CTNND2: variants seen among roughly 807,000 people sequenced by gnomAD.
CTNND2 encodes the protein catenin delta 2, also known as catenin delta-2.
CTNND2 carries 22 observed loss-of-function variants against 144.4 expected under a neutral mutation model. That is an observed-to-expected ratio of 0.15 (90% CI 0.11 to 0.22). CTNND2 has a LOEUF of 0.22. Ranked by LOEUF, CTNND2 falls within the 10% of genes least tolerant of loss-of-function variation. The pLI, the probability that CTNND2 is intolerant of heterozygous loss-of-function variation, is 1.00. For missense variants in CTNND2, 1,353 were observed against 1,618.8 expected, an observed-to-expected ratio of 0.84 and a Z score of 2.82; for synonymous variants, 751 against 695.6, an observed-to-expected ratio of 1.08 and a Z score of -1.25.
At chr5:11,660,565 T>C (rs544516692) in intron 2 of CTNND2, among the ~76,000 whole-genome samples, 1 of 152,222 alleles carries the variant, frequency 6.6e-6, no homozygotes, top group East Asian at 1.9e-4. Context: ...GGATTTCATA[T>C]ACAGGTAGGC....
intron 11 of CTNND2, among the ~76,000 whole-genome samples, chr5:11,164,273 T>G (rs1476154968): frequency 2.6e-5 from 4 of 152,188 alleles, no homozygotes; most frequent in African/African-American, 9.6e-5. Flanking sequence ...AAAGTAACAT[T>G]TACAGGCTCT....
intron 10 of CTNND2, among the ~76,000 whole-genome samples, chr5:11,228,048 G>T (rs1156495925): frequency 6.6e-6 from 1 of 152,064 alleles, no homozygotes; most frequent in Non-Finnish European, 1.5e-5. Context: ...CATGGTATTA[G>T]AATGCCCTGT....
intron 17 of CTNND2, among the ~76,000 whole-genome samples, chr5:11,020,690 T>C (rs938860010): frequency 4.6e-5 from 7 of 152,130 alleles, no homozygotes; most frequent in Non-Finnish European, 1.0e-4. Context: ...CGAGGATAAA[T>C]GTAGTTATAA....
intron 1 of CTNND2, among the ~76,000 whole-genome samples, chr5:11,829,731 C>A (rs571307917): frequency 6.6e-6 from 1 of 152,218 alleles, no homozygotes; most frequent in East Asian, 1.9e-4. Context: ...AGGCCCCATA[C>A]AGAGTCCCTA....
At chr5:11,470,606 T>C (rs1452819996) in intron 3 of CTNND2, among the ~76,000 whole-genome samples, 2 of 152,126 alleles carry the variant, frequency 1.3e-5, no homozygotes, top group Non-Finnish European at 2.9e-5. Flanking sequence ...TCATTTGTAA[T>C]CTAATGTCCT....
chr5:11,740,047 A>G (rs1163495288), intron 1 of CTNND2, among the ~76,000 whole-genome samples: 1 of 152,228 alleles, frequency 6.6e-6, no homozygotes, highest in African/African-American at 2.4e-5. Context: ...AGAGGACACA[A>G]ACAAATGCAA....
chr5:11,101,659 T>C (rs750932670), intron 14 of CTNND2, among the ~76,000 whole-genome samples: 21 of 152,230 alleles, frequency 1.4e-4, no homozygotes, highest in African/African-American at 3.6e-4. Context: ...CTTACAAATC[T>C]TGTGCAAACT....
At chr5:11,495,018 C>A (rs1227249895) in intron 3 of CTNND2, among the ~76,000 whole-genome samples, 2 of 152,120 alleles carry the variant, frequency 1.3e-5, no homozygotes, top group Non-Finnish European at 1.5e-5. Flanking sequence ...CACTGCTTGA[C>A]TTACAAGTTC....
In CTNND2 at chr5:11,187,077, G is replaced by A. The variant is rs941431803; in HGVS notation, c.1975+12371C>T. Among the ~76,000 whole-genome samples the A allele has an allele frequency of 3.2e-4, 49 of 152,170 alleles. 1 individual carries two copies. Among genetic ancestry groups the A allele is most frequent in the Non-Finnish European group, 1.8e-4 (12 of 68,030 alleles). ...AGGCACATTGGACAACAATAAGAAT[G>A]TAAAACACAGGAAATAATGTGACAT... is the stretch of plus-strand genomic sequence containing the variant. On this transcript the variant is annotated intron_variant, in intron 11 of 21. Coordinates refer to ENST00000304623, the MANE Select transcript of CTNND2 (RefSeq NM_001332.4).
At chr5:11,246,042 T>A (rs1435641325) in intron 9 of CTNND2, among the ~76,000 whole-genome samples, 2 of 152,182 alleles carry the variant, frequency 1.3e-5, no homozygotes, top group Non-Finnish European at 2.9e-5. Flanking sequence ...GCCTGCTTTG[T>A]CTAAGGATTC....
At chr5:10,985,859 G>C (rs1737871161) in intron 20 of CTNND2, among the ~76,000 whole-genome samples, 1 of 152,096 alleles carries the variant, frequency 6.6e-6, no homozygotes, top group South Asian at 2.1e-4. Flanking sequence ...TGGCTTGGCT[G>C]GGGACTTATT....
At chr5:11,646,183 CTTT>C (rs906160603) in intron 2 of CTNND2, among the ~76,000 whole-genome samples, 1 of 151,918 alleles carries the variant, frequency 6.6e-6, no homozygotes, top group African/African-American at 2.4e-5. Flanking sequence ...GTTTTTCCTT[CTTT>C]ATTACTGTGG....
At chr5:10,986,101 T>C (rs1009533635) in intron 20 of CTNND2, among the ~76,000 whole-genome samples, 3 of 152,244 alleles carry the variant, frequency 2.0e-5, no homozygotes, top group African/African-American at 7.2e-5. Context: ...ACTCCTGAAT[T>C]GCATTTTTAA....
chr5:11,649,149 G>C (rs1235522071), intron 2 of CTNND2, among the ~76,000 whole-genome samples: 1 of 151,938 alleles, frequency 6.6e-6, no homozygotes, highest in African/African-American at 2.4e-5. Flanking sequence ...ATTTACATAG[G>C]TAATCAAATT....
intron 1 of CTNND2, among the ~76,000 whole-genome samples, chr5:11,887,150 A>AT (rs1221707527): frequency 5.3e-5 from 8 of 151,886 alleles, no homozygotes; most frequent in South Asian, 2.1e-4. Context: ...CGCCCAGCTA[A>AT]TTTTTTGTAT....
intron 14 of CTNND2, among the ~76,000 whole-genome samples, chr5:11,099,855 T>G (rs1751712650): frequency 6.6e-6 from 1 of 152,156 alleles, no homozygotes; most frequent in Non-Finnish European, 1.5e-5. Context: ...AACAATTTCT[T>G]TATAATTTTA....
At chr5:11,455,310 G>A (rs555239729) in intron 3 of CTNND2, among the ~76,000 whole-genome samples, 5 of 152,232 alleles carry the variant, frequency 3.3e-5, no homozygotes, top group Admixed American at 1.3e-4. Flanking sequence ...TGCAAAGAAC[G>A]ATACTTATTT....
At chr5:11,748,973 C>T (rs1412177953) in intron 1 of CTNND2, among the ~76,000 whole-genome samples, 2 of 151,994 alleles carry the variant, frequency 1.3e-5, no homozygotes, top group Non-Finnish European at 2.9e-5. Flanking sequence ...TTTGATCATT[C>T]ACTCTGGGGA....
rs111899067 is a variant in CTNND2 at position 11,066,940 on chromosome 5, G to A, written c.2788+15756C>T. 9.3e-3 allele frequency among the ~76,000 whole-genome samples: 1,414 copies of A among 152,300 alleles called. 15 individuals are homozygous for A. The highest frequency in any genetic ancestry group is 0.018 in the Admixed American group (272 of 15,306). On this transcript the variant is annotated intron_variant, in intron 16 of 21. Transcript: ENST00000304623. ...AATCTGACCAAAAAGCAAGACCAAA[G>A]GTTTGATCTTCAAGGGGACTGATTA...
Sources: gnomAD v4.1 joint callset for allele counts (sites outside exome capture counted in the v4.1 genomes callset) on GRCh38, gnomAD v4.1.1 for gene constraint, MANE v1.5 for transcripts, NCBI Gene and HGNC (gene_info 2026-07-23, HGNC 2026-07-21) for gene names.